ASTN2: variants seen among roughly 807,000 people sequenced by gnomAD.
The protein encoded by ASTN2 is astrotactin 2.
A neutral mutation model predicts 139.8 loss-of-function variants in ASTN2; 54 were observed. The observed-to-expected ratio is 0.39, with a 90% CI of 0.31 to 0.48. ASTN2 has a LOEUF of 0.48. Ranked by LOEUF, ASTN2 falls within the 20% of genes least tolerant of loss-of-function variation. The pLI is 0.95. For missense variants in ASTN2, 1,565 were observed against 1,725.1 expected (o/e 0.91, Z 1.64); for synonymous variants, 756 against 719.5 (o/e 1.05, Z -0.81).
At chr9:116,813,872 T>C (rs1374517121) in intron 12 of ASTN2, among the ~76,000 whole-genome samples, 1 of 151,800 alleles carries the variant, frequency 6.6e-6, no homozygotes, top group Non-Finnish European at 1.5e-5. Flanking sequence ...CCATCTCTAC[T>C]AAAAATACAA....
At chr9:117,066,768 A>AT (rs759560227) in intron 5 of ASTN2, among the ~76,000 whole-genome samples, 3 of 151,768 alleles carry the variant, frequency 2.0e-5, no homozygotes. Flanking sequence ...GATGATGAGC[A>AT]TTTTTTCATG....
chr9:116,563,296 AC>A (rs1209239034), intron 19 of ASTN2, among the ~76,000 whole-genome samples: 1 of 151,706 alleles, frequency 6.6e-6, no homozygotes, highest in Non-Finnish European at 1.5e-5. Context: ...AATGGTGTGA[AC>A]CCGGGAGGCA....
intron 5 of ASTN2, among the ~76,000 whole-genome samples, chr9:117,074,093 G>A (rs1828209932): frequency 6.7e-6 from 1 of 150,276 alleles, no homozygotes. Flanking sequence ...TTCTATTGAG[G>A]AAAAAAAAAA....
intron 1 of ASTN2, among the ~76,000 whole-genome samples, chr9:117,377,058 C>G (rs896473806): frequency 6.6e-6 from 1 of 152,120 alleles, no homozygotes; most frequent in African/African-American, 2.4e-5. Flanking sequence ...TCCATCAGAC[C>G]AAGAGGGGAT....
At chr9:116,871,722 C>A (rs1174066534) in intron 10 of ASTN2, among the ~76,000 whole-genome samples, 1 of 152,150 alleles carries the variant, frequency 6.6e-6, no homozygotes, top group Non-Finnish European at 1.5e-5. Flanking sequence ...AGTTGGTGGA[C>A]ATTTTGGTTG....
At chr9:116,720,115 T>C (rs558426148) in intron 16 of ASTN2, among the ~76,000 whole-genome samples, 3 of 152,266 alleles carry the variant, frequency 2.0e-5, no homozygotes, top group Admixed American at 6.5e-5. Context: ...TGAATAATCA[T>C]TCCCTTCTCC....
intron 1 of ASTN2, 51 bp from the exon 2 acceptor site, chr9:117,291,564 G>C: frequency 6.6e-7 from 1 of 1,509,262 alleles, no homozygotes; most frequent in Non-Finnish European, 8.9e-7. Flanking sequence ...TGGCCTTGGT[G>C]CTCCAGGGAG....
At chr9:116,798,798 G>C (rs1005662979) in intron 13 of ASTN2, among the ~76,000 whole-genome samples, 1 of 152,168 alleles carries the variant, frequency 6.6e-6, no homozygotes, top group Non-Finnish European at 1.5e-5. Flanking sequence ...TGTCAGTCCA[G>C]ATTTCCGAAC....
chr9:117,217,371 G>A (rs1294624823), intron 2 of ASTN2, among the ~76,000 whole-genome samples: 1 of 152,102 alleles, frequency 6.6e-6, no homozygotes, highest in East Asian at 1.9e-4. Context: ...ATCCCACTCA[G>A]TATATCCCGA....
chr9:116,989,665 C>A (rs1196404759), intron 7 of ASTN2, among the ~76,000 whole-genome samples: 2 of 149,614 alleles, frequency 1.3e-5, no homozygotes, highest in African/African-American at 2.5e-5. Flanking sequence ...CTCACTGCAA[C>A]CTCCACCTCC....
chr9:117,147,758 C>T (rs376435214), intron 3 of ASTN2, among the ~76,000 whole-genome samples: 4 of 152,256 alleles, frequency 2.6e-5, no homozygotes, highest in African/African-American at 7.2e-5. Flanking sequence ...AGAAATGTTA[C>T]ATGGTTTTTC....
chr9:116,569,071 T>C (rs775089396), intron 19 of ASTN2: 14 of 152,218 alleles, frequency 9.2e-5, no homozygotes, highest in Non-Finnish European at 1.8e-4. Flanking sequence ...AAGATATTCT[T>C]CTTCTAGGCA....
chr9:117,286,354 CTT>C (rs35094114), intron 2 of ASTN2, among the ~76,000 whole-genome samples: 6 of 135,746 alleles, frequency 4.4e-5, no homozygotes, highest in Admixed American at 7.8e-5. Context: ...TTCCCACTTT[CTT>C]TTTTTTTTTT....
At chr9:116,718,665 AG>A (rs1828380909) in intron 16 of ASTN2, among the ~76,000 whole-genome samples, 1 of 152,070 alleles carries the variant, frequency 6.6e-6, no homozygotes, top group African/African-American at 2.4e-5. Context: ...TAGAACCAAA[AG>A]GTTGACCCTC....
intron 19 of ASTN2, among the ~76,000 whole-genome samples, chr9:116,580,839 C>G (rs1853917767): frequency 6.6e-6 from 1 of 151,978 alleles, no homozygotes; most frequent in Admixed American, 6.6e-5. Flanking sequence ...TTTAATTAGT[C>G]TGAACCCTGG....
intron 13 of ASTN2, among the ~76,000 whole-genome samples, chr9:116,742,059 C>T (rs1829109653): frequency 6.6e-6 from 1 of 152,216 alleles, no homozygotes; most frequent in East Asian, 1.9e-4. Flanking sequence ...AGGAGACGCA[C>T]ATGTGTACAA....
intron 10 of ASTN2, among the ~76,000 whole-genome samples, chr9:116,900,026 G>GGAT (rs1833968350): frequency 1.3e-5 from 2 of 152,058 alleles, no homozygotes; most frequent in African/African-American, 4.8e-5. Flanking sequence ...CATTCCCTAG[G>GGAT]CCCCTGCTCG....
At chr9:116,822,684 C>T (rs1191276832) in intron 11 of ASTN2, among the ~76,000 whole-genome samples, 2 of 152,162 alleles carry the variant, frequency 1.3e-5, no homozygotes, top group Non-Finnish European at 2.9e-5. Flanking sequence ...TCACTAAGCT[C>T]CAGGTTTTAT....
chr9:116,610,322 T>C (rs917822609), intron 19 of ASTN2, among the ~76,000 whole-genome samples: 1 of 152,178 alleles, frequency 6.6e-6, no homozygotes, highest in African/African-American at 2.4e-5. Context: ...AGTAAAGTGA[T>C]GGCTGCGGAC....
Sources: gnomAD v4.1 joint callset for allele counts (sites outside exome capture counted in the v4.1 genomes callset) on GRCh38, gnomAD v4.1.1 for gene constraint, MANE v1.5 for transcripts, NCBI Gene and HGNC (gene_info 2026-07-23, HGNC 2026-07-21) for gene names.